Variants in PIK3C2G observed in about 807,000 individuals in gnomAD.
PIK3C2G encodes the protein phosphatidylinositol 3-kinase C2 domain-containing subunit gamma.
PIK3C2G carries 168 observed loss-of-function variants against 181.1 expected under a neutral mutation model. The observed-to-expected ratio is 0.93, with a 90% CI of 0.82 to 1.05. The LOEUF is 1.05. Among genes scored for constraint, PIK3C2G ranks in the 50% least tolerant of loss-of-function variants. The pLI is 0.00. For missense variants in PIK3C2G, 1,869 were observed against 1,732.8 expected, an observed-to-expected ratio of 1.08 and a Z score of -1.40; for synonymous variants, 573 against 592.2, an observed-to-expected ratio of 0.97 and a Z score of 0.47.
intron 26 of PIK3C2G, among the ~76,000 whole-genome samples, chr12:18,554,771 C>A (rs941901020): frequency 6.6e-6 from 1 of 152,036 alleles, no homozygotes; most frequent in Non-Finnish European, 1.5e-5. Context: ...TCAGAGATTA[C>A]AAATTCAATG....
chr12:18,265,331 A>G (rs925866262), intron 1 of PIK3C2G, among the ~76,000 whole-genome samples: 3 of 152,194 alleles, frequency 2.0e-5, no homozygotes, highest in Admixed American at 6.5e-5. Flanking sequence ...AATTAAATGC[A>G]AAACAAATGT....
chr12:18,382,477 C>T (rs147037389), intron 14 of PIK3C2G, among the ~76,000 whole-genome samples: 77 of 152,226 alleles, frequency 5.1e-4, no homozygotes, highest in Non-Finnish European at 9.8e-4. Flanking sequence ...TGGTTGGAAA[C>T]GTGAGGCATG....
chr12:18,323,835 G>GT (rs1290268349), intron 7 of PIK3C2G, among the ~76,000 whole-genome samples: 5 of 151,826 alleles, frequency 3.3e-5, no homozygotes, highest in African/African-American at 4.8e-5. Context: ...CTTCCCAGTG[G>GT]TTTTTTCTAT....
intron 26 of PIK3C2G, among the ~76,000 whole-genome samples, chr12:18,554,712 C>T (rs1026499985): frequency 2.6e-5 from 4 of 151,794 alleles, no homozygotes; most frequent in East Asian, 1.9e-4. Flanking sequence ...AGGAATTATC[C>T]GAAAGCATAC....
intron 18 of PIK3C2G, among the ~76,000 whole-genome samples, chr12:18,427,316 G>A (rs1945874107): frequency 6.6e-6 from 1 of 151,426 alleles, no homozygotes; most frequent in Non-Finnish European, 1.5e-5. Flanking sequence ...GATCAGCCAG[G>A]CCAACACGGT....
intron 31 of PIK3C2G, among the ~76,000 whole-genome samples, chr12:18,636,458 C>T (rs920624679): frequency 6.6e-5 from 10 of 152,030 alleles, no homozygotes; most frequent in Admixed American, 1.3e-4. Flanking sequence ...CTCGAACTCC[C>T]GACCTCATGT....
At chr12:18,443,929 A>G (rs1946880433) in intron 18 of PIK3C2G, among the ~76,000 whole-genome samples, 1 of 152,200 alleles carries the variant, frequency 6.6e-6, no homozygotes, top group Admixed American at 6.5e-5. Flanking sequence ...TTGCCACTTC[A>G]ACATTCCCAA....
intron 18 of PIK3C2G, among the ~76,000 whole-genome samples, chr12:18,432,351 G>T (rs1300359388): frequency 6.6e-6 from 1 of 152,098 alleles, no homozygotes; most frequent in Non-Finnish European, 1.5e-5. Context: ...TATACATAAT[G>T]AACTCAAATG....
intron 31 of PIK3C2G, among the ~76,000 whole-genome samples, chr12:18,629,839 A>G (rs1428892326): frequency 6.6e-6 from 1 of 152,202 alleles, no homozygotes; most frequent in African/African-American, 2.4e-5. Context: ...ACCCTATGAT[A>G]GACATTTTAT....
At chr12:18,361,875 C>G (rs1941263439) in intron 11 of PIK3C2G, among the ~76,000 whole-genome samples, 1 of 152,172 alleles carries the variant, frequency 6.6e-6, no homozygotes, top group Non-Finnish European at 1.5e-5. Flanking sequence ...ATGCTCCTTT[C>G]TTCCCCATCA....
chr12:18,355,567 C>T (rs139369275), intron 11 of PIK3C2G, among the ~76,000 whole-genome samples: 19 of 152,202 alleles, frequency 1.2e-4, no homozygotes, highest in East Asian at 5.8e-4. Context: ...GCCGGCTGCA[C>T]GGGGTCCCTG....
At chr12:18,654,798 T>TG in the PIK3C2G span, among the ~76,000 whole-genome samples, 1 of 152,226 alleles carries the variant, frequency 6.6e-6, no homozygotes, top group East Asian at 1.9e-4. Context: ...AAGGGATAAG[T>TG]GACAAACATC....
chr12:18,308,573 C>T (rs1288765275), intron 5 of PIK3C2G, among the ~76,000 whole-genome samples: 1 of 151,036 alleles, frequency 6.6e-6, no homozygotes, highest in Admixed American at 6.6e-5. Flanking sequence ...TGTATTAACA[C>T]TCTTTATTTC....
chr12:18,541,317 TA>T (rs1944140225), intron 25 of PIK3C2G, among the ~76,000 whole-genome samples: 1 of 151,752 alleles, frequency 6.6e-6, no homozygotes, highest in African/African-American at 2.4e-5. Context: ...AAAAGCGGGG[TA>T]AAAAGTAATC....
the PIK3C2G span, among the ~76,000 whole-genome samples, chr12:18,682,671 G>T: frequency 7.2e-5 from 11 of 151,968 alleles, no homozygotes; most frequent in Non-Finnish European, 1.5e-4. Flanking sequence ...AATACAGTTT[G>T]CAGGCAAATC....
intron 11 of PIK3C2G, among the ~76,000 whole-genome samples, chr12:18,353,051 C>T (rs1345604562): frequency 1.3e-5 from 2 of 152,158 alleles, no homozygotes; most frequent in African/African-American, 4.8e-5. Flanking sequence ...GGCCGCAGGT[C>T]CAAGCTTGAG....
intron 8 of PIK3C2G, among the ~76,000 whole-genome samples, chr12:18,332,744 A>T (rs1022518906): frequency 1.3e-5 from 2 of 152,184 alleles, no homozygotes; most frequent in Non-Finnish European, 2.9e-5. Flanking sequence ...AGGGAAATGC[A>T]GGGTTTGCTG....
At chr12:18,271,821 C>T (rs925781910) in intron 1 of PIK3C2G, among the ~76,000 whole-genome samples, 2 of 152,188 alleles carry the variant, frequency 1.3e-5, no homozygotes, top group Admixed American at 1.3e-4. Flanking sequence ...TCGGCATCTT[C>T]ACATAGATTT....
intron 18 of PIK3C2G, among the ~76,000 whole-genome samples, chr12:18,430,742 G>A (rs1249091046): frequency 6.6e-6 from 1 of 152,136 alleles, no homozygotes; most frequent in African/African-American, 2.4e-5. Flanking sequence ...GGAGAAGAGG[G>A]AGAATGTGAG....
Sources: allele counts gnomAD v4.1 joint callset (sites outside exome capture counted in the v4.1 genomes callset), GRCh38; gene constraint gnomAD v4.1.1; transcripts MANE v1.5; gene names NCBI Gene and HGNC (gene_info 2026-07-23, HGNC 2026-07-21).